Variants in VAT1L observed in about 807,000 individuals in gnomAD.
VAT1L encodes putative NADPH-dependent quinone oxidoreductase VAT1L.
A neutral mutation model predicts 44.1 loss-of-function variants in VAT1L; 34 were observed. That is an observed-to-expected ratio of 0.77 (90% CI 0.59 to 1.03). VAT1L has a LOEUF of 1.03. Ranked by LOEUF, VAT1L falls within the 50% of genes least tolerant of loss-of-function variation. VAT1L has a pLI of 0.00. For synonymous variants in VAT1L, 253 were observed against 202.2 expected (o/e 1.25, Z -2.13); for missense variants, 615 against 538.8 (o/e 1.14, Z -1.40).
At chr16:77,803,140 CT>C (rs1461132799) in intron 1 of VAT1L, among the ~76,000 whole-genome samples, 10 of 152,306 alleles carry the variant, frequency 6.6e-5, no homozygotes, top group Admixed American at 5.2e-4. Context: ...CCTAAAGTTG[CT>C]CATAGTCTAC....
intron 1 of VAT1L, among the ~76,000 whole-genome samples, chr16:77,791,644 G>T (rs1242452990): frequency 1.3e-5 from 2 of 152,060 alleles, no homozygotes; most frequent in Non-Finnish European, 2.9e-5. Context: ...AAAAGCCTTA[G>T]CACATGTGAT....
chr16:77,789,045 G>A, intron 1 of VAT1L, 130 bp downstream of exon 1: 2 of 1,161,352 alleles, frequency 1.7e-6, no homozygotes, highest in Non-Finnish European at 2.3e-6. Flanking sequence ...GCCCTCACCC[G>A]GGTCTCAGAG....
chr16:77,828,176 A>G lies in VAT1L; in HGVS notation c.579+2715A>G, dbSNP rs1006699825. Among the ~76,000 whole-genome samples, 33 of 152,192 alleles carry G rather than the reference A, an allele frequency of 2.2e-4. 1 individual carries two copies. Among genetic ancestry groups the G allele is most frequent in the Non-Finnish European group, 3.1e-4 (21 of 68,048 alleles). On this transcript the variant is annotated intron_variant, in intron 3 of 8. Transcript: ENST00000302536. Reference sequence around the variant, plus strand: ...GGATGGGTGGGGCACTGTCTTACAAAATCTAAGGAGTCCTGCAGAGAGCCC... The same window carrying G: ...GGATGGGTGGGGCACTGTCTTACAAGATCTAAGGAGTCCTGCAGAGAGCCC...
rs560324255 is a variant in VAT1L, at chr16:77,927,105, G to A, written c.1077+42303G>A. On this transcript the variant is annotated intron_variant, in intron 7 of 8. Coordinates refer to ENST00000302536, the MANE Select transcript of VAT1L (RefSeq NM_020927.3). ...TGTAATCCCAGCATTTTGGGACGCCGAGGCAGGAGGATCACCAGGTCAGGA... is the reference window on the plus strand; with the variant it reads ...TGTAATCCCAGCATTTTGGGACGCCAAGGCAGGAGGATCACCAGGTCAGGA... Among the ~76,000 whole-genome samples the A allele has an allele frequency of 2.5e-4, 38 of 152,152 alleles. No homozygotes were observed. In the East Asian group the frequency reaches 4.1e-3, roughly 16 times the overall value.
At chr16:77,907,756 A>G (rs2017453469) in intron 7 of VAT1L, among the ~76,000 whole-genome samples, 1 of 152,066 alleles carries the variant, frequency 6.6e-6, no homozygotes, top group Non-Finnish European at 1.5e-5. Context: ...CTCCTCCCCT[A>G]TCCTGCAGGG....
chr16:77,908,638 G>A (rs965344317), intron 7 of VAT1L, among the ~76,000 whole-genome samples: 13 of 152,166 alleles, frequency 8.5e-5, no homozygotes, highest in African/African-American at 2.6e-4. Context: ...AAAGGAGGCC[G>A]GGCGCGGTGA....
chr16:77,975,763 T>A (rs141012917), intron 8 of VAT1L, among the ~76,000 whole-genome samples: 107 of 152,350 alleles, frequency 7.0e-4, no homozygotes, highest in African/African-American at 2.5e-3. Context: ...TGATGTGTCA[T>A]GAGGTCAGAG....
In VAT1L at chr16:77,835,191, T is replaced by C. The variant is rs536803297; in HGVS notation, c.579+9730T>C. ...CTGTCACAAGCCAATTTTTTCTATA[T>C]TCTAGAAGAGTTATTTGCTGAACTA... On this transcript the variant is annotated intron_variant, in intron 3 of 8. Transcript: ENST00000302536. Among the ~76,000 whole-genome samples, 3 of 152,306 alleles carry C rather than the reference T, an allele frequency of 2.0e-5. No individual in the cohort carries two copies. The East Asian group carries it at 5.8e-4, about 29-fold the overall frequency.
intron 2 of VAT1L, among the ~76,000 whole-genome samples, chr16:77,817,846 A>C (rs548459400): frequency 2.6e-5 from 4 of 152,326 alleles, no homozygotes; most frequent in South Asian, 2.1e-4. Flanking sequence ...AACCAATGCA[A>C]ATCAGGTACA....
chr16:77,864,438 C>A (rs184306649), intron 4 of VAT1L, among the ~76,000 whole-genome samples: 2,218 of 150,436 alleles, frequency 0.015, 56 homozygotes, highest in African/African-American at 0.052. Flanking sequence ...ACCTGTGCCC[C>A]CCCACAAAAA....
chr16:77,941,177 A>G (rs2017878110), intron 7 of VAT1L, among the ~76,000 whole-genome samples: 1 of 152,166 alleles, frequency 6.6e-6, no homozygotes, highest in Non-Finnish European at 1.5e-5. Flanking sequence ...TGGTACCTGG[A>G]ATAAGCAAAA....
chr16:77,894,512 G>A (rs551411000), intron 7 of VAT1L, among the ~76,000 whole-genome samples: 2 of 152,146 alleles, frequency 1.3e-5, no homozygotes, highest in African/African-American at 4.8e-5. Flanking sequence ...GGTCACAGGA[G>A]GGCTATTTAG....
intron 3 of VAT1L, among the ~76,000 whole-genome samples, chr16:77,850,601 T>C (rs1168045895): frequency 6.6e-6 from 1 of 152,214 alleles, no homozygotes; most frequent in South Asian, 2.1e-4. Context: ...TAATAAATTA[T>C]ATGGGCACCC....
intron 7 of VAT1L, among the ~76,000 whole-genome samples, chr16:77,948,106 T>A (rs1199548918): frequency 6.6e-6 from 1 of 152,176 alleles, no homozygotes; most frequent in Non-Finnish European, 1.5e-5. Context: ...TTCTCTAAAC[T>A]GAGTAATTTC....
intron 4 of VAT1L, among the ~76,000 whole-genome samples, chr16:77,868,507 T>A (rs2016998554): frequency 6.6e-6 from 1 of 152,184 alleles, no homozygotes; most frequent in Admixed American, 6.5e-5. Context: ...TTCCACATTG[T>A]ATGAAGTAAA....
chr16:77,943,616 A>T (rs1485592098), intron 7 of VAT1L, among the ~76,000 whole-genome samples: 1 of 151,656 alleles, frequency 6.6e-6, no homozygotes, highest in Non-Finnish European at 1.5e-5. Context: ...GTTAGCCAGG[A>T]TGGTCTCGAT....
At chr16:77,818,999 G>A (rs930127305) in intron 2 of VAT1L, among the ~76,000 whole-genome samples, 3 of 145,754 alleles carry the variant, frequency 2.1e-5, no homozygotes, top group Non-Finnish European at 4.6e-5. Context: ...GGCCAGGACT[G>A]ATTTTTTTTT....
chr16:77,887,563 C>T, intron 7 of VAT1L, among the ~76,000 whole-genome samples: 1 of 152,308 alleles, frequency 6.6e-6, no homozygotes, highest in South Asian at 2.1e-4. Context: ...CAAGACTCAT[C>T]TCCAACCCTC....
At chr16:77,964,087 A>G (rs1482663293) in intron 7 of VAT1L, among the ~76,000 whole-genome samples, 4 of 151,872 alleles carry the variant, frequency 2.6e-5, no homozygotes, top group Admixed American at 2.6e-4. Flanking sequence ...CTCTTAGAGA[A>G]TCCCACGTGG....
Sources: allele counts gnomAD v4.1 joint callset (sites outside exome capture counted in the v4.1 genomes callset), GRCh38; gene constraint gnomAD v4.1.1; transcripts MANE v1.5; gene names NCBI Gene and HGNC (gene_info 2026-07-23, HGNC 2026-07-21).